The following UNC5C variants were observed in gnomAD, a reference collection of about 807,000 sequenced individuals.
UNC5C encodes the protein netrin receptor UNC5C.
UNC5C carries 47 observed loss-of-function variants against 99.8 expected under a neutral mutation model. The observed-to-expected ratio is 0.47, with a 90% CI of 0.37 to 0.60. The LOEUF (loss-of-function observed/expected upper bound fraction) is 0.60. UNC5C is among the 20% of genes least tolerant of loss of function. UNC5C has a pLI of 0.00. For missense variants in UNC5C, 1,062 were observed against 1,165.9 expected (o/e 0.91, Z 1.30); for synonymous variants, 487 against 452.2 (o/e 1.08, Z -0.98).
At chr4:95,368,564 C>T (rs1744650808) in intron 1 of UNC5C, among the ~76,000 whole-genome samples, 1 of 152,114 alleles carries the variant, frequency 6.6e-6, no homozygotes, top group African/African-American at 2.4e-5. Flanking sequence ...CAAGAGGCCA[C>T]CTGTAAGCCA....
intron 2 of UNC5C, among the ~76,000 whole-genome samples, chr4:95,306,189 ATTTATT>A (rs1244943067): frequency 2.6e-5 from 4 of 151,888 alleles, no homozygotes; most frequent in Non-Finnish European, 5.9e-5. Context: ...CATATATTTT[ATTTATT>A]TTTATTTTTA....
intron 7 of UNC5C, among the ~76,000 whole-genome samples, chr4:95,239,553 C>T (rs1739253320): frequency 6.6e-6 from 1 of 152,168 alleles, no homozygotes; most frequent in Non-Finnish European, 1.5e-5. Context: ...CTCCCCGCTC[C>T]TGGTTATATT....
intron 1 of UNC5C, among the ~76,000 whole-genome samples, chr4:95,384,810 G>A (rs1435655753): frequency 2.0e-5 from 3 of 152,116 alleles, no homozygotes; most frequent in Non-Finnish European, 4.4e-5. Flanking sequence ...TACCAAAATA[G>A]CATCTTCGGA....
intron 3 of UNC5C, among the ~76,000 whole-genome samples, chr4:95,278,582 C>T (rs1231064199): frequency 6.6e-6 from 1 of 151,962 alleles, no homozygotes; most frequent in Non-Finnish European, 1.5e-5. Flanking sequence ...TCAAGCGATC[C>T]TCCTGCCTCA....
At chr4:95,282,151 G>C (rs1227672868) in intron 3 of UNC5C, among the ~76,000 whole-genome samples, 1 of 152,128 alleles carries the variant, frequency 6.6e-6, no homozygotes, top group Non-Finnish European at 1.5e-5. Flanking sequence ...AGAGGACAGT[G>C]ACATTCAAGA....
In UNC5C at chr4:95,164,425, A is replaced by C. The variant is rs2149340585; in HGVS notation, c.*4809T>G. ...TATACAAATAGATATCTTAGGGTAG[A>C]GAAACATTACTTCATTGCCCAGAGG... is the stretch of plus-strand genomic sequence containing the variant. On this transcript the variant is annotated 3_prime_UTR_variant, in exon 16 of 16. Transcript: ENST00000453304. 1 of 152,362 alleles carries C rather than the reference A, an allele frequency of 6.6e-6. No homozygotes were observed. The highest frequency in any genetic ancestry group is 2.1e-4 in the South Asian group (1 of 4,834). The allele number at this position is 152,362 out of a possible 1,614,324, so 9.4% of individuals were successfully genotyped here.
chr4:95,422,427 A>G (rs1746348008), intron 1 of UNC5C, among the ~76,000 whole-genome samples: 1 of 152,188 alleles, frequency 6.6e-6, no homozygotes, highest in African/African-American at 2.4e-5. Flanking sequence ...CATTTTCTAA[A>G]ATGAGAATGC....
intron 1 of UNC5C, among the ~76,000 whole-genome samples, chr4:95,365,400 T>C (rs1480137939): frequency 6.8e-6 from 1 of 147,442 alleles, no homozygotes; most frequent in Non-Finnish European, 1.5e-5. Flanking sequence ...TTTAATATAA[T>C]ATATATTTTA....
chr4:95,368,862 T>G (rs963742130), intron 1 of UNC5C, among the ~76,000 whole-genome samples: 1 of 152,166 alleles, frequency 6.6e-6, no homozygotes, highest in Non-Finnish European at 1.5e-5. Flanking sequence ...TTTTACATTT[T>G]TTTCCTTGTA....
At chr4:95,177,477 G>A (rs1029405994) in intron 14 of UNC5C, among the ~76,000 whole-genome samples, 72 of 152,196 alleles carry the variant, frequency 4.7e-4, no homozygotes, top group African/African-American at 4.3e-4. Context: ...CACTGCAGGC[G>A]GTGAGGTTGC....
intron 1 of UNC5C, among the ~76,000 whole-genome samples, chr4:95,476,038 G>A (rs1450992956): frequency 6.6e-6 from 1 of 152,064 alleles, no homozygotes; most frequent in Non-Finnish European, 1.5e-5. Flanking sequence ...ATGATGAACT[G>A]TAATAACTTA....
chr4:95,189,540 T>A (rs375915726), intron 12 of UNC5C, among the ~76,000 whole-genome samples: 4 of 152,232 alleles, frequency 2.6e-5, no homozygotes, highest in South Asian at 2.1e-4. Context: ...AACTACCATC[T>A]GAGTGAACAG....
chr4:95,271,279 G>A (rs1242327515), intron 4 of UNC5C, among the ~76,000 whole-genome samples: 1 of 151,608 alleles, frequency 6.6e-6, no homozygotes, highest in Non-Finnish European at 1.5e-5. Context: ...CCAGGCTGGA[G>A]TGCAGTGGCG....
intron 1 of UNC5C, among the ~76,000 whole-genome samples, chr4:95,373,223 ACTT>A (rs1434472541): frequency 6.6e-6 from 1 of 152,122 alleles, no homozygotes; most frequent in East Asian, 1.9e-4. Flanking sequence ...CCACAACACT[ACTT>A]AACTGTTCCC....
At chr4:95,488,460 A>G (rs1167042674) in intron 1 of UNC5C, among the ~76,000 whole-genome samples, 18 of 151,808 alleles carry the variant, frequency 1.2e-4, no homozygotes, top group Admixed American at 1.2e-3. Context: ...CTTAAGATAA[A>G]ACAAAGCAGT....
chr4:95,417,352 G>A (rs762975722), intron 1 of UNC5C, among the ~76,000 whole-genome samples: 4 of 152,072 alleles, frequency 2.6e-5, no homozygotes, highest in Admixed American at 1.3e-4. Context: ...GTCTCCACAC[G>A]CACAGAGCTC....
chr4:95,257,449 C>T (rs1430996586), intron 4 of UNC5C, among the ~76,000 whole-genome samples: 1 of 149,948 alleles, frequency 6.7e-6, no homozygotes, highest in Non-Finnish European at 1.5e-5. Context: ...GGATAGGAGA[C>T]AGGGAGAAAA....
chr4:95,538,456 G>T (rs753613078), intron 1 of UNC5C, among the ~76,000 whole-genome samples: 10 of 152,160 alleles, frequency 6.6e-5, no homozygotes, highest in Non-Finnish European at 1.3e-4. Flanking sequence ...TTATCTTTAA[G>T]ACCCTCTTTT....
At chr4:95,355,220 C>T (rs375297358) in intron 1 of UNC5C, among the ~76,000 whole-genome samples, 17 of 151,934 alleles carry the variant, frequency 1.1e-4, no homozygotes, top group Admixed American at 7.9e-4. Flanking sequence ...GGCAATGTGG[C>T]GACAGTGTGT....
Sources: allele counts gnomAD v4.1 joint callset (sites outside exome capture counted in the v4.1 genomes callset), GRCh38; gene constraint gnomAD v4.1.1; transcripts MANE v1.5; gene names NCBI Gene and HGNC (gene_info 2026-07-23, HGNC 2026-07-21).